Variants in TRDN observed in about 807,000 individuals in gnomAD.
The protein encoded by TRDN is triadin in skeletal muscle.
In TRDN, 161 loss-of-function variants were observed where a neutral mutation model predicts 149.7. The observed-to-expected ratio is 1.08, with a 90% CI of 0.95 to 1.23. The LOEUF (loss-of-function observed/expected upper bound fraction) is 1.23, where lower values mean the gene tolerates loss of function less well. Ranked by LOEUF, TRDN falls within the 50% of genes most tolerant of loss-of-function variation. TRDN has a pLI of 0.00. For missense variants in TRDN, 896 were observed against 823.5 expected, an observed-to-expected ratio of 1.09 and a Z score of -1.08; for synonymous variants, 294 against 250.5, an observed-to-expected ratio of 1.17 and a Z score of -1.64.
chr6:123,599,335 T>G (rs1461632082), intron 1 of TRDN, among the ~76,000 whole-genome samples: 1 of 152,058 alleles, frequency 6.6e-6, no homozygotes, highest in African/African-American at 2.4e-5. Flanking sequence ...GCTTAGAGTT[T>G]CATTTATTTG....
intron 24 of TRDN, among the ~76,000 whole-genome samples, chr6:123,283,443 CA>C (rs1158440625): frequency 6.6e-6 from 1 of 151,246 alleles, no homozygotes; most frequent in African/African-American, 2.4e-5. Flanking sequence ...CCAAACCCAG[CA>C]GAAGAAAAGA....
chr6:123,434,048 T>A (rs1393281865), intron 12 of TRDN: 1 of 152,190 alleles, frequency 6.6e-6, no homozygotes. Context: ...TTCAGGTAAG[T>A]GTGCCTTGTG....
rs1047362324 is a variant in TRDN, at chr6:123,548,401, T to C, written c.391+53A>G. On this transcript the variant is annotated intron_variant, in intron 3 of 40. Coordinates refer to ENST00000334268, the MANE Select transcript of TRDN (RefSeq NM_006073.4). ...TTTAAACTGAGGCAAGCCACTATAA[T>C]ACATATTTAATGTTGCTCCTAGCAG... 2.2e-6 allele frequency: 3 copies of C among 1,346,134 alleles called. No homozygotes were observed. The African/African-American group carries it at 4.5e-5, about 20-fold the overall frequency. The allele number at this position is 1,346,134 out of a possible 1,614,324, so 83.4% of individuals were successfully genotyped here. A position where few individuals can be genotyped will look rare whatever the true frequency, so the allele number is the denominator to read the frequency against.
intron 35 of TRDN, among the ~76,000 whole-genome samples, chr6:123,258,210 G>C (rs960889385): frequency 6.6e-6 from 1 of 152,092 alleles, no homozygotes; most frequent in Non-Finnish European, 1.5e-5. Context: ...CTTGTCTTTT[G>C]TCGGCTTTCA....
chr6:123,334,210 T>C (rs950684810), intron 22 of TRDN, among the ~76,000 whole-genome samples: 13 of 152,154 alleles, frequency 8.5e-5, no homozygotes, highest in African/African-American at 3.1e-4. Context: ...TGGGGGATCA[T>C]AAGTTGCACA....
rs553103934 is a variant in TRDN at position 123,382,047 on chromosome 6, A to T, written c.1165+71T>A. ...ACACATAATTCTTTCTTCTACATCA[A>T]TCCTTTAAGAAGGTATGCTGTTTCA... On this transcript the variant is annotated intron_variant, in intron 15 of 40. Transcript: ENST00000334268. The T allele has an allele frequency of 7.8e-5, 91 of 1,167,490 alleles. No homozygotes were observed. The African/African-American group carries it at 1.4e-3, about 18-fold the overall frequency. 72.3% of individuals were successfully genotyped at this position (1,167,490 alleles called of 1,614,324 possible).
Position 123,438,107 on chromosome 6 carries a change from T to C in TRDN, c.1007A>G (p.Lys336Arg). The C allele has an allele frequency of 6.3e-7, 1 of 1,588,170 alleles. No individual in the cohort carries two copies. Among genetic ancestry groups the C allele is most frequent in the Non-Finnish European group, 8.5e-7 (1 of 1,170,742 alleles). Residue 336 changes from lysine to arginine, a missense_variant, in exon 12 of 41, where the codon AAA becomes AGA. Physicochemically the swap from Lys to Arg is conservative, Grantham distance 26. Coordinates refer to ENST00000334268, the MANE Select transcript of TRDN (RefSeq NM_006073.4). ...ETKKKEKEDI[K>R]KKSEKETAID... ...GGCAGTTTCCTTCTCACTTTTCTTT[T>C]TGATATCTTCTTTTTCTGCTGGTAA...
intron 4 of TRDN, among the ~76,000 whole-genome samples, chr6:123,543,678 G>C (rs7750599): frequency 0.034 from 5,172 of 152,076 alleles, 139 homozygotes; most frequent in African/African-American, 0.074. Context: ...AGGATTACAA[G>C]TGATATAATT....
At chr6:123,571,743 A>G (rs904221927) in intron 1 of TRDN, among the ~76,000 whole-genome samples, 3 of 152,072 alleles carry the variant, frequency 2.0e-5, no homozygotes, top group Admixed American at 1.3e-4. Context: ...AAATATATAA[A>G]TATGGTTTAT....
At chr6:123,242,619 G>T (rs756031524) in intron 38 of TRDN, among the ~76,000 whole-genome samples, 7 of 151,948 alleles carry the variant, frequency 4.6e-5, no homozygotes, top group Admixed American at 6.6e-5. Flanking sequence ...TTGAATAGAT[G>T]GTCTAAGAGA....
intron 23 of TRDN, among the ~76,000 whole-genome samples, chr6:123,317,309 T>C (rs1779062972): frequency 6.6e-6 from 1 of 151,796 alleles, no homozygotes; most frequent in East Asian, 1.9e-4. Flanking sequence ...ACAGTTTTCC[T>C]CCCTCCAAAC....
chr6:123,435,810 G>C lies in TRDN; in HGVS notation c.1051+2253C>G, dbSNP rs142321185. On this transcript the variant is annotated intron_variant, in intron 12 of 40. Transcript: ENST00000334268. Reference sequence around the variant, plus strand: ...TCGGTGGCTGAGCACTGTCCTTGTAGGAAGTGATATGGGCATAATCCGTTC... The same window carrying C: ...TCGGTGGCTGAGCACTGTCCTTGTACGAAGTGATATGGGCATAATCCGTTC... Among the ~76,000 whole-genome samples, 24 of 152,216 alleles carry C rather than the reference G, an allele frequency of 1.6e-4. No individual in the cohort carries two copies. In the East Asian group the frequency reaches 3.7e-3, roughly 23 times the overall value.
intron 12 of TRDN, among the ~76,000 whole-genome samples, chr6:123,397,133 A>T (rs1463340502): frequency 6.6e-6 from 1 of 152,196 alleles, no homozygotes; most frequent in African/African-American, 2.4e-5. Flanking sequence ...ACAATAAACA[A>T]TGTTATTCAA....
intron 23 of TRDN, among the ~76,000 whole-genome samples, chr6:123,325,724 C>T (rs754762233): frequency 6.6e-6 from 1 of 152,010 alleles, no homozygotes; most frequent in Non-Finnish European, 1.5e-5. Context: ...TATTTATGGT[C>T]TCTAGATGTA....
chr6:123,388,561 T>G lies in TRDN; in HGVS notation c.1106-10A>C, dbSNP rs183072716. On this transcript the variant is annotated splice_polypyrimidine_tract_variant and intron_variant, in intron 13 of 40. Transcript: ENST00000334268. ...TCCTTCTTAGCTGCTGCTGAAGTAA[T>G]GAAAATAGCGTTAAGGCATATGAAA... The G allele has an allele frequency of 1.3e-6, 2 of 1,581,346 alleles. No homozygotes were observed. Among genetic ancestry groups the G allele is most frequent in the Non-Finnish European group, 1.7e-6 (2 of 1,161,286 alleles).
intron 1 of TRDN, among the ~76,000 whole-genome samples, chr6:123,588,848 T>A (rs1056961599): frequency 6.6e-6 from 1 of 152,182 alleles, no homozygotes; most frequent in African/African-American, 2.4e-5. Context: ...TATTAGTATA[T>A]GTTAAACTTG....
intron 2 of TRDN, among the ~76,000 whole-genome samples, chr6:123,558,871 G>A (rs1328930214): frequency 6.6e-6 from 1 of 152,216 alleles, no homozygotes; most frequent in Non-Finnish European, 1.5e-5. Flanking sequence ...AACTGCAGCT[G>A]CCAGGGATTC....
At chr6:123,283,531 A>G (rs1026831347) in intron 24 of TRDN, among the ~76,000 whole-genome samples, 2 of 151,750 alleles carry the variant, frequency 1.3e-5, no homozygotes, top group Non-Finnish European at 2.9e-5. Flanking sequence ...AAACAAAAAG[A>G]TGGTTCTTTG....
At chr6:123,253,985 C>G (rs913818957) in intron 37 of TRDN, among the ~76,000 whole-genome samples, 3 of 152,036 alleles carry the variant, frequency 2.0e-5, no homozygotes, top group South Asian at 2.1e-4. Context: ...AAACTTGGAG[C>G]CAAATCTTGT....
Sources: gnomAD v4.1 joint callset for allele counts (sites outside exome capture counted in the v4.1 genomes callset) on GRCh38, gnomAD v4.1.1 for gene constraint, MANE v1.5 for transcripts, NCBI Gene and HGNC (gene_info 2026-07-23, HGNC 2026-07-21) for gene names.